CCND2: variants seen among roughly 807,000 people sequenced by gnomAD.
CCND2 encodes the protein G1/S-specific cyclin-D2.
A neutral mutation model predicts 30.2 loss-of-function variants in CCND2; 6 were observed. The ratio of observed to expected loss-of-function variants is 0.20; its 90% CI spans 0.11 to 0.39. The LOEUF (loss-of-function observed/expected upper bound fraction) is 0.39. Ranked by LOEUF, CCND2 falls within the 10% of genes least tolerant of loss-of-function variation. CCND2 has a pLI of 1.00. For missense variants in CCND2, 235 were observed against 373.4 expected (o/e 0.63, Z 3.06); for synonymous variants, 150 against 153.1 (o/e 0.98, Z 0.15).
chr12:4,297,461 C>T (rs1864186609), intron 4 of CCND2, among the ~76,000 whole-genome samples: 1 of 150,550 alleles, frequency 6.6e-6, no homozygotes, highest in African/African-American at 2.4e-5. Context: ...ATCCCAGCTG[C>T]TCGGGAGGCT....
At position 4,299,748 on chromosome 12, in the gene CCND2, C is replaced by A; in HGVS notation, c.721-112C>A. 2 of 1,057,510 alleles carry A rather than the reference C, an allele frequency of 1.9e-6. No homozygotes were observed. The highest frequency in any genetic ancestry group is 2.4e-5 in the East Asian group (1 of 40,834). 65.5% of individuals were successfully genotyped at this position (1,057,510 alleles called of 1,614,324 possible). A position where few individuals can be genotyped will look rare whatever the true frequency, so the allele number is the denominator to read the frequency against. On this transcript the variant is annotated intron_variant, in intron 4 of 4. Transcript: ENST00000261254. This position sits in a 1 kb window ranked among gnomAD's most constrained non-coding sequence, Gnocchi z 5.2. ...TCCCTCCTTTACTTCACATTTATTT[C>A]TACTGGAAACTAGCACAGACTTATG... is the stretch of plus-strand genomic sequence containing the variant.
chr12:4,286,942 C>T (rs1418853313), intron 3 of CCND2, among the ~76,000 whole-genome samples: 2 of 152,222 alleles, frequency 1.3e-5, no homozygotes, highest in Non-Finnish European at 2.9e-5. Flanking sequence ...GGGCCATGGG[C>T]CGGCTGCCCC....
At position 4,301,684 on chromosome 12, in the gene CCND2, GTT is replaced by G. The variant is rs34569142; in HGVS notation, c.*1689_*1690del. The G allele has an allele frequency of 5.4e-3, 992 of 185,216 alleles. No homozygotes were observed. The highest frequency in any genetic ancestry group is 0.01 in the Middle Eastern group (6 of 578). 11.5% of individuals were successfully genotyped at this position (185,216 alleles called of 1,614,324 possible). On this transcript the variant is annotated 3_prime_UTR_variant, in exon 5 of 5. Coordinates refer to ENST00000261254, the MANE Select transcript of CCND2 (RefSeq NM_001759.4). ...TTTTAATTTTGTTTTGTTCAGTTTG[GTT>G]TTTTTTTTTTTTTGCGCTGCTAAGA... is the stretch of plus-strand genomic sequence containing the variant.
Position 4,276,263 on chromosome 12 carries a change from C to T in CCND2, c.411+43C>T. The T allele has an allele frequency of 1.9e-6, 3 of 1,550,114 alleles. No individual in the cohort carries two copies. The highest frequency in any genetic ancestry group is 2.7e-6 in the Non-Finnish European group (3 of 1,130,604). ...CCTCCCTTCCTTTCTGCGATTCCCG[C>T]TTTCCCCTGGCCAACAATATGCCTT... is the stretch of plus-strand genomic sequence containing the variant. On this transcript the variant is annotated intron_variant, in intron 2 of 4. Transcript: ENST00000261254. The surrounding 1 kb of genome is among the most constrained non-coding windows in gnomAD (Gnocchi z 4.8).
intron 4 of CCND2, among the ~76,000 whole-genome samples, chr12:4,290,138 A>G (rs1332867199): frequency 6.6e-6 from 1 of 152,124 alleles, no homozygotes; most frequent in Non-Finnish European, 1.5e-5. Flanking sequence ...TGCACGAGGG[A>G]TACGGGACAG....
chr12:4,289,111 A>G (rs1368141102), intron 4 of CCND2, 121 bp downstream of exon 4: 4 of 966,952 alleles, frequency 4.1e-6, no homozygotes, highest in Non-Finnish European at 5.8e-6. Context: ...TAAGATCGAC[A>G]TCCAAGGGAG....
At position 4,288,755 on chromosome 12, in the gene CCND2, G is replaced by A. The variant is rs1012702470; in HGVS notation, c.572-87G>A. ...TCACTCGCGCCGCTGACCTGCTGCC[G>A]TCCTGTTTCTGAGTCTCTGCAGTCT... On this transcript the variant is annotated intron_variant, in intron 3 of 4. Transcript: ENST00000261254. 27 of 1,363,616 alleles carry A rather than the reference G, an allele frequency of 2.0e-5. No homozygotes were observed. The East Asian group carries it at 2.9e-4, about 15-fold the overall frequency. The allele number at this position is 1,363,616 out of a possible 1,614,324, so 84.5% of individuals were successfully genotyped here.
intron 4 of CCND2, among the ~76,000 whole-genome samples, chr12:4,291,221 G>GTGTGTGTGTGTGTGTGTGTGTGTT (rs1248241238): frequency 2.4e-4 from 37 of 151,792 alleles, no homozygotes; most frequent in African/African-American, 8.5e-4. Flanking sequence ...GTGTGTGTGT[G>GTGTGTGTGTGTGTGTGTGTGTGTT]TGTGTGTGTG....
chr12:4,279,228 C>T (rs1158926366), intron 3 of CCND2, among the ~76,000 whole-genome samples: 1 of 152,176 alleles, frequency 6.6e-6, no homozygotes, highest in Non-Finnish European at 1.5e-5. Context: ...ACATATACTG[C>T]TCACTGGTTG....
In CCND2 at chr12:4,302,070, C is replaced by T. The variant is rs572480733; in HGVS notation, c.*2061C>T. On this transcript the variant is annotated 3_prime_UTR_variant, in exon 5 of 5. Coordinates refer to ENST00000261254, the MANE Select transcript of CCND2 (RefSeq NM_001759.4). ...TTTTGTTTTCATAATACCTCACAAC[C>T]GTACAGTTTCTGCTTGGGAGCCCAT... The T allele has an allele frequency of 4.3e-5, 10 of 232,936 alleles. No homozygotes were observed. Among genetic ancestry groups the T allele is most frequent in the Admixed American group, 2.8e-4 (5 of 17,734 alleles). 14.4% of individuals were successfully genotyped at this position (232,936 alleles called of 1,614,324 possible). A position where few individuals can be genotyped will look rare whatever the true frequency, so the allele number is the denominator to read the frequency against.
intron 4 of CCND2, among the ~76,000 whole-genome samples, chr12:4,289,967 G>A (rs1047825608): frequency 6.6e-6 from 1 of 152,176 alleles, no homozygotes; most frequent in African/African-American, 2.4e-5. Context: ...CCTGAGAGAG[G>A]GGTGTTGGCC....
At position 4,293,670 on chromosome 12, in the gene CCND2, G is replaced by A. The variant is rs1170736019; in HGVS notation, c.720+4680G>A. The stretch of plus-strand genomic sequence containing the variant: ...TTATCAATGAGCTATTAAAAAGCAG[G>A]GAGGTGGAGGCGCCGTGGAAGAAGT... On this transcript the variant is annotated intron_variant, in intron 4 of 4. Coordinates refer to ENST00000261254, the MANE Select transcript of CCND2 (RefSeq NM_001759.4). The surrounding 1 kb of genome is among the most constrained non-coding windows in gnomAD (Gnocchi z 4.9). Among the ~76,000 whole-genome samples, 1 of 152,190 alleles carries A rather than the reference G, an allele frequency of 6.6e-6. No homozygotes were observed. Among genetic ancestry groups the A allele is most frequent in the Non-Finnish European group, 1.5e-5 (1 of 68,028 alleles).
At chr12:4,290,029 C>T (rs1043889325) in intron 4 of CCND2, among the ~76,000 whole-genome samples, 15 of 152,200 alleles carry the variant, frequency 9.9e-5, no homozygotes, top group African/African-American at 3.4e-4. Flanking sequence ...GGGCACTTCA[C>T]GATGACACCC....
rs1404930005 is a variant in CCND2, at chr12:4,300,585, T to C, written c.*576T>C. On this transcript the variant is annotated 3_prime_UTR_variant, in exon 5 of 5. Transcript: ENST00000261254. Reference sequence around the variant, plus strand: ...CAGCCACCTGTTACTAAGTCAGGAGTGTAGTTGGATCTCTACATTAATGTC... The same window carrying C: ...CAGCCACCTGTTACTAAGTCAGGAGCGTAGTTGGATCTCTACATTAATGTC... 2 of 233,844 alleles carry C rather than the reference T, an allele frequency of 8.6e-6. No individual in the cohort carries two copies. Among genetic ancestry groups the C allele is most frequent in the East Asian group, 1.2e-4 (2 of 16,598 alleles). 14.5% of individuals were successfully genotyped at this position (233,844 alleles called of 1,614,324 possible). A position where few individuals can be genotyped will look rare whatever the true frequency, so the allele number is the denominator to read the frequency against.
chr12:4,299,783 T>G lies in CCND2; in HGVS notation c.721-77T>G. On this transcript the variant is annotated intron_variant, in intron 4 of 4. Coordinates refer to ENST00000261254, the MANE Select transcript of CCND2 (RefSeq NM_001759.4). This position sits in a 1 kb window ranked among gnomAD's most constrained non-coding sequence, Gnocchi z 5.2. ...CTAGCACAGACTTATGCAAGCTAAA[T>G]TACGCATGTTTTCTCCGTAGGATGC... The G allele has an allele frequency of 7.3e-7, 1 of 1,378,172 alleles. No individual in the cohort carries two copies. Among genetic ancestry groups the G allele is most frequent in the Non-Finnish European group, 1.0e-6 (1 of 995,082 alleles). The allele number at this position is 1,378,172 out of a possible 1,614,324, so 85.4% of individuals were successfully genotyped here.
chr12:4,287,921 C>T lies in CCND2; in HGVS notation c.572-921C>T, dbSNP rs561968757. Among the ~76,000 whole-genome samples, 16 of 152,186 alleles carry T rather than the reference C, an allele frequency of 1.1e-4. No individual in the cohort carries two copies. The highest frequency in any genetic ancestry group is 2.7e-4 in the African/African-American group (11 of 41,438). On this transcript the variant is annotated intron_variant, in intron 3 of 4. Transcript: ENST00000261254. The surrounding 1 kb of genome is among the most constrained non-coding windows in gnomAD (Gnocchi z 4.0). ...AGGAGCCCTCTAGCATGGCAGTGGA[C>T]GGGGTTCAAGCCCCTCTGATTTATT...
chr12:4,281,666 C>T (rs1407307316), intron 3 of CCND2, among the ~76,000 whole-genome samples: 1 of 152,056 alleles, frequency 6.6e-6, no homozygotes, highest in Non-Finnish European at 1.5e-5. Context: ...TCAGGCCGTG[C>T]AGCTATTTGA....
Position 4,275,101 on chromosome 12 carries a change from C to T in CCND2, c.195+866C>T, listed in dbSNP as rs187227246. ...GGAGGGGGTGTGTGTAGGGGGGATA[C>T]CGGGTCACCCCTGAAGGAGAGGTGG... On this transcript the variant is annotated intron_variant, in intron 1 of 4. Transcript: ENST00000261254. The T allele has an allele frequency of 4.4e-3, 677 of 152,186 alleles. 4 individuals are homozygous for T. The highest frequency in any genetic ancestry group is 0.023 in the South Asian group (111 of 4,820). The allele number at this position is 152,186 out of a possible 1,614,324, so 9.4% of individuals were successfully genotyped here.
intron 4 of CCND2, among the ~76,000 whole-genome samples, chr12:4,296,942 C>A (rs1864177722): frequency 6.6e-6 from 1 of 152,198 alleles, no homozygotes; most frequent in South Asian, 2.1e-4. Flanking sequence ...GTTGAAGCTG[C>A]TGTTCTGGGT....
Sources: allele counts gnomAD v4.1 joint callset (sites outside exome capture counted in the v4.1 genomes callset), GRCh38; gene constraint gnomAD v4.1.1; non-coding constraint Gnocchi (gnomAD v3.1); transcripts MANE v1.5; gene names NCBI Gene and HGNC (gene_info 2026-07-23, HGNC 2026-07-21).